The following PPM1L variants were observed in gnomAD, a reference collection of about 807,000 sequenced individuals.
PPM1L encodes protein phosphatase, Mg2+/Mn2+ dependent 1L, also known as protein phosphatase 1L.
In PPM1L, 13 loss-of-function variants were observed where a neutral mutation model predicts 31.4. That is an observed-to-expected ratio of 0.41 (90% CI 0.27 to 0.66). PPM1L has a LOEUF of 0.66. Among genes scored for constraint, PPM1L ranks in the 30% least tolerant of loss-of-function variants. The pLI, the probability that PPM1L is intolerant of heterozygous loss-of-function variation, is 0.29. For missense variants in PPM1L, 326 were observed against 453.7 expected (o/e 0.72, Z 2.56); for synonymous variants, 184 against 175.4 (o/e 1.05, Z -0.39).
rs902050160 is a variant in PPM1L at position 160,756,663 on chromosome 3, A to T, written c.355A>T (p.Thr119Ser). The T allele has an allele frequency of 6.2e-7, 1 of 1,613,890 alleles. No individual in the cohort carries two copies. The change falls in exon 1 of 4, where the codon ACG becomes TCG. Residue 119 changes from threonine (T) to serine (S), a missense_variant. Transcript: ENST00000498165. The surrounding 1 kb of genome is among the most constrained non-coding windows in gnomAD (Gnocchi z 6.2). ...AGTTCTCACGGATCTGGCCAACAAG[A>T]CGCACCCGTCCATCTTCGGGATCTT... ...FEVLTDLANK[T>S]HPSIFGIFDG... is the part of the protein sequence containing the mutation.
intron 1 of PPM1L, among the ~76,000 whole-genome samples, chr3:160,915,143 G>A (rs1391214248): frequency 2.0e-5 from 3 of 152,136 alleles, no homozygotes; most frequent in African/African-American, 7.2e-5. Flanking sequence ...TGATATGATT[G>A]TATATCTAGA....
chr3:161,011,477 T>G (rs888648157), intron 2 of PPM1L, among the ~76,000 whole-genome samples: 3 of 152,166 alleles, frequency 2.0e-5, no homozygotes, highest in African/African-American at 7.2e-5. Flanking sequence ...TTCTTTTGGC[T>G]TAGGATTGTC....
At chr3:161,067,384 C>T (rs1719772191) in intron 3 of PPM1L, among the ~76,000 whole-genome samples, 1 of 152,090 alleles carries the variant, frequency 6.6e-6, no homozygotes, top group Admixed American at 6.5e-5. Flanking sequence ...TTGGTTTTAC[C>T]ATCTTCATGT....
intron 1 of PPM1L, among the ~76,000 whole-genome samples, chr3:160,768,177 G>A (rs567842031): frequency 6.6e-6 from 1 of 152,268 alleles, no homozygotes; most frequent in South Asian, 2.1e-4. Flanking sequence ...GTCTTTCTGA[G>A]TTTTCTCTCT....
chr3:160,778,754 A>G (rs1199158878), intron 1 of PPM1L, among the ~76,000 whole-genome samples: 3 of 152,168 alleles, frequency 2.0e-5, no homozygotes, highest in Non-Finnish European at 4.4e-5. Flanking sequence ...TGTAGAGGCC[A>G]GAGATGCTAC....
chr3:160,816,614 G>A (rs146036142), intron 1 of PPM1L, among the ~76,000 whole-genome samples: 8 of 151,774 alleles, frequency 5.3e-5, no homozygotes, highest in Admixed American at 4.6e-4. Context: ...CTGTAGATAT[G>A]TATCTTCAGT....
intron 1 of PPM1L, among the ~76,000 whole-genome samples, chr3:160,922,366 A>C (rs1488504067): frequency 1.3e-5 from 2 of 152,168 alleles, no homozygotes; most frequent in Non-Finnish European, 2.9e-5. Flanking sequence ...CTGGATGATG[A>C]TAGTAGAACC....
At chr3:161,036,725 A>G (rs183316001) in intron 2 of PPM1L, among the ~76,000 whole-genome samples, 7 of 152,308 alleles carry the variant, frequency 4.6e-5, no homozygotes, top group Admixed American at 2.6e-4. Flanking sequence ...ACTAGTCATT[A>G]TCAACCTGTG....
At chr3:160,834,463 GTA>G (rs1713630618) in intron 1 of PPM1L, among the ~76,000 whole-genome samples, 1 of 126,142 alleles carries the variant, frequency 7.9e-6, no homozygotes, top group African/African-American at 3.7e-5. Flanking sequence ...ATGCATTTGT[GTA>G]TGTGTATGTG....
intron 1 of PPM1L, among the ~76,000 whole-genome samples, chr3:160,926,299 T>C (rs559678479): frequency 3.2e-4 from 48 of 152,316 alleles, no homozygotes; most frequent in South Asian, 8.3e-4. Context: ...TGATGCTTGA[T>C]TAGAATCTTA....
chr3:160,812,827 C>T (rs1712851608), intron 1 of PPM1L, among the ~76,000 whole-genome samples: 1 of 152,298 alleles, frequency 6.6e-6, no homozygotes, highest in Admixed American at 6.5e-5. Context: ...AATTAGGGTT[C>T]TACACCGCTA....
At chr3:161,062,151 A>C (rs1363610035) in intron 2 of PPM1L, among the ~76,000 whole-genome samples, 2 of 152,000 alleles carry the variant, frequency 1.3e-5, no homozygotes, top group African/African-American at 2.4e-5. Context: ...GGGGGAAAAA[A>C]AAAAGCCTTT....
chr3:161,025,455 C>G (rs577306100), intron 2 of PPM1L, among the ~76,000 whole-genome samples: 8 of 152,040 alleles, frequency 5.3e-5, no homozygotes, highest in Admixed American at 1.3e-4. Context: ...GCCTGTAGTC[C>G]CAGCTACTCA....
At chr3:160,871,227 A>G (rs899457989) in intron 1 of PPM1L, among the ~76,000 whole-genome samples, 3 of 152,176 alleles carry the variant, frequency 2.0e-5, no homozygotes, top group Admixed American at 2.0e-4. Context: ...ACAGGATTTG[A>G]GCTTGAGTGA....
intron 2 of PPM1L, among the ~76,000 whole-genome samples, chr3:161,006,790 C>G (rs1423083622): frequency 6.7e-6 from 1 of 149,670 alleles, no homozygotes; most frequent in Non-Finnish European, 1.5e-5. Context: ...TCACGCCATT[C>G]TCCTGCCTCA....
chr3:160,827,581 A>G (rs1313723825), intron 1 of PPM1L, among the ~76,000 whole-genome samples: 2 of 151,996 alleles, frequency 1.3e-5, no homozygotes, highest in Non-Finnish European at 2.9e-5. Context: ...ACTTTTAAAG[A>G]TGACACTTGG....
chr3:160,800,817 A>G (rs1352793352), intron 1 of PPM1L, among the ~76,000 whole-genome samples: 3 of 152,134 alleles, frequency 2.0e-5, no homozygotes, highest in African/African-American at 7.2e-5. Context: ...GCATCCTTAT[A>G]ATTCTGTACT....
chr3:160,973,609 A>AT (rs1716428713), intron 2 of PPM1L, among the ~76,000 whole-genome samples: 3 of 152,262 alleles, frequency 2.0e-5, no homozygotes, highest in African/African-American at 7.2e-5. Context: ...GAGGTAGGTA[A>AT]AATGCATCCT....
At chr3:161,024,386 C>T (rs192333807) in intron 2 of PPM1L, among the ~76,000 whole-genome samples, 2 of 152,114 alleles carry the variant, frequency 1.3e-5, no homozygotes, top group East Asian at 1.9e-4. Context: ...TTTCCTACCT[C>T]GGAAGCTCTG....
Sources: allele counts gnomAD v4.1 joint callset (sites outside exome capture counted in the v4.1 genomes callset), GRCh38; gene constraint gnomAD v4.1.1; non-coding constraint Gnocchi (gnomAD v3.1); transcripts MANE v1.5; gene names NCBI Gene and HGNC (gene_info 2026-07-23, HGNC 2026-07-21).